Variants in ERCC6L2 observed in about 807,000 individuals in gnomAD.
ERCC6L2 encodes DNA excision repair protein ERCC-6-like 2.
Under a neutral mutation model 132.0 loss-of-function variants are expected in ERCC6L2, and 77 were observed. The observed-to-expected ratio is 0.58, with a 90% CI of 0.49 to 0.71. ERCC6L2 has a LOEUF of 0.71. ERCC6L2 is among the 30% of genes least tolerant of loss of function. The probability of loss-of-function intolerance (pLI) is 0.00; values close to 1 mark genes in which losing one functional copy is unlikely to be tolerated. For synonymous variants in ERCC6L2, 583 were observed against 632.4 expected (o/e 0.92, Z 1.17); for missense variants, 1,542 against 1,837.6 (o/e 0.84, Z 2.94).
intron 4 of ERCC6L2, among the ~76,000 whole-genome samples, chr9:95,914,530 T>A (rs931695567): frequency 4.6e-5 from 7 of 152,162 alleles, no homozygotes; most frequent in African/African-American, 1.7e-4. Flanking sequence ...ATTTTTGTAT[T>A]TTTAGTAGAG....
At chr9:96,037,645 T>C (rs568731775) in intron 19 of ERCC6L2, among the ~76,000 whole-genome samples, 1 of 151,866 alleles carries the variant, frequency 6.6e-6, no homozygotes, top group Non-Finnish European at 1.5e-5. Flanking sequence ...GATGTCCAAG[T>C]GGGAGCAGGG....
intron 3 of ERCC6L2, among the ~76,000 whole-genome samples, chr9:95,903,832 A>G (rs1828897862): frequency 1.3e-5 from 2 of 152,038 alleles, no homozygotes; most frequent in South Asian, 4.1e-4. Context: ...TAAAATTGGA[A>G]TCTTTGCTAG....
chr9:95,975,471 CT>C (rs572855007), intron 16 of ERCC6L2, among the ~76,000 whole-genome samples: 251 of 111,226 alleles, frequency 2.3e-3, no homozygotes, highest in East Asian at 5.6e-3. Context: ...ATTATATGTT[CT>C]TTTTTTTTTT....
At chr9:95,894,584 C>CTTTTTT (rs1218474585) in intron 2 of ERCC6L2, among the ~76,000 whole-genome samples, 1 of 83,484 alleles carries the variant, frequency 1.2e-5, no homozygotes, top group African/African-American at 6.0e-5. Context: ...ATATGTCAGC[C>CTTTTTT]TTTTTTTTTT....
intron 2 of ERCC6L2, among the ~76,000 whole-genome samples, chr9:95,887,501 T>A (rs1057113286): frequency 2.6e-5 from 4 of 152,242 alleles, no homozygotes; most frequent in Non-Finnish European, 4.4e-5. Flanking sequence ...CTTACCATAT[T>A]ATTTTATTTT....
chr9:95,971,037 T>C (rs911875596), intron 15 of ERCC6L2, among the ~76,000 whole-genome samples: 1 of 152,306 alleles, frequency 6.6e-6, no homozygotes. Flanking sequence ...TTCTCTAACC[T>C]GAAAGTAGAT....
chr9:95,953,170 A>G (rs1399192790), intron 12 of ERCC6L2, among the ~76,000 whole-genome samples: 2 of 152,224 alleles, frequency 1.3e-5, no homozygotes, highest in Non-Finnish European at 2.9e-5. Flanking sequence ...CAGTGTGGAT[A>G]TACCTAATGC....
intron 11 of ERCC6L2, among the ~76,000 whole-genome samples, chr9:95,930,341 T>C (rs990688386): frequency 2.6e-5 from 4 of 152,184 alleles, no homozygotes; most frequent in Non-Finnish European, 5.9e-5. Context: ...TCATAAGTCA[T>C]TATATAAGGA....
intron 16 of ERCC6L2, 139 bp downstream of exon 16, chr9:95,973,227 T>A: frequency 2.0e-6 from 1 of 510,428 alleles, no homozygotes; most frequent in Non-Finnish European, 3.1e-6. Context: ...AACGGTTGGG[T>A]AGCAGGATAA....
At chr9:95,984,706 C>A (rs1011721035) in intron 17 of ERCC6L2, among the ~76,000 whole-genome samples, 3 of 152,004 alleles carry the variant, frequency 2.0e-5, no homozygotes, top group Non-Finnish European at 4.4e-5. Context: ...TCTTTGATAA[C>A]CTAAAATAAT....
chr9:95,921,075 A>G, intron 6 of ERCC6L2, 100 bp from the exon 7 acceptor site: 2 of 1,186,266 alleles, frequency 1.7e-6, no homozygotes, highest in Non-Finnish European at 2.3e-6. Context: ...GCGCCCGGCC[A>G]GTTTTCACTG....
intron 13 of ERCC6L2, among the ~76,000 whole-genome samples, chr9:95,962,296 T>C (rs1489358903): frequency 3.9e-5 from 6 of 152,102 alleles, no homozygotes; most frequent in Non-Finnish European, 7.4e-5. Context: ...GGTTGGGGCA[T>C]TTGAGAGATG....
intron 12 of ERCC6L2, among the ~76,000 whole-genome samples, chr9:95,943,446 A>G (rs994395918): frequency 2.6e-5 from 4 of 152,156 alleles, no homozygotes; most frequent in African/African-American, 7.2e-5. Flanking sequence ...AAAAACACAG[A>G]TGCTCAAACT....
intron 13 of ERCC6L2, among the ~76,000 whole-genome samples, chr9:95,961,144 G>C (rs1831881063): frequency 6.6e-6 from 1 of 152,118 alleles, no homozygotes; most frequent in Non-Finnish European, 1.5e-5. Flanking sequence ...ATAGGTTGAA[G>C]TCCTAACCCT....
At chr9:95,984,293 A>G in intron 17 of ERCC6L2, among the ~76,000 whole-genome samples, 2 of 149,364 alleles carry the variant, frequency 1.3e-5, no homozygotes, top group Middle Eastern at 3.6e-3. Context: ...TACATGTTAT[A>G]TGTTATATAT....
intron 1 of ERCC6L2, among the ~76,000 whole-genome samples, chr9:95,879,391 T>C (rs1827469815): frequency 1.3e-5 from 2 of 152,216 alleles, no homozygotes; most frequent in Admixed American, 1.3e-4. Flanking sequence ...TAATAGATAA[T>C]AAAATAAGTC....
At chr9:96,004,202 T>C (rs1833785382) in intron 17 of ERCC6L2, among the ~76,000 whole-genome samples, 1 of 152,228 alleles carries the variant, frequency 6.6e-6, no homozygotes, top group Admixed American at 6.5e-5. Flanking sequence ...GTTTATGCCA[T>C]AGTGTATATA....
chr9:96,036,933 A>AT (rs1285032151), intron 19 of ERCC6L2, among the ~76,000 whole-genome samples: 1 of 149,198 alleles, frequency 6.7e-6, no homozygotes, highest in Non-Finnish European at 1.5e-5. Flanking sequence ...CGCCCGGCTA[A>AT]TTTTTTGTAT....
Position 96,015,631 on chromosome 9 carries a change from TAA to T in ERCC6L2, c.*2441_*2442del, listed in dbSNP as rs371476454. Among the ~76,000 whole-genome samples, 2 of 142,868 alleles carry T rather than the reference TAA, an allele frequency of 1.4e-5. No individual in the cohort carries two copies. Among genetic ancestry groups the T allele is most frequent in the Non-Finnish European group, 1.5e-5 (1 of 65,164 alleles). 93.7% of individuals were successfully genotyped at this position (142,868 alleles called of 152,430 possible). A position where few individuals can be genotyped will look rare whatever the true frequency, so the allele number is the denominator to read the frequency against. ...TAACGCGGTGAAACCCCGTCTCTAC[TAA>T]AAAAAAAAAAAATACAAAAATTAGC... On this transcript the variant is annotated 3_prime_UTR_variant, in exon 19 of 19. Transcript: ENST00000653738.
Sources: gnomAD v4.1 joint callset for allele counts (sites outside exome capture counted in the v4.1 genomes callset) on GRCh38, gnomAD v4.1.1 for gene constraint, MANE v1.5 for transcripts, NCBI Gene and HGNC (gene_info 2026-07-23, HGNC 2026-07-21) for gene names.